CNOT6L: variants seen among roughly 807,000 people sequenced by gnomAD.
CNOT6L encodes CCR4-NOT transcription complex subunit 6 like.
CNOT6L carries 7 observed loss-of-function variants against 64.0 expected under a neutral mutation model. The observed-to-expected ratio is 0.11, with a 90% CI of 0.06 to 0.21. CNOT6L has a LOEUF of 0.21. Among genes scored for constraint, CNOT6L ranks in the 10% least tolerant of loss-of-function variants. The pLI is 1.00. For missense variants in CNOT6L, 245 were observed against 669.0 expected, an observed-to-expected ratio of 0.37 and a Z score of 6.99; for synonymous variants, 193 against 243.4, an observed-to-expected ratio of 0.79 and a Z score of 1.93.
chr4:77,748,054 A>G lies in CNOT6L; in HGVS notation c.559+262T>C, dbSNP rs79155157. ...CATTACTTAAATCTTAAATCACCCA[A>G]TACTCTCTATGAAGATGCTATTTGG... On this transcript the variant is annotated intron_variant, in intron 6 of 11. Transcript: ENST00000504123. 9.9e-5 allele frequency among the ~76,000 whole-genome samples: 15 copies of G among 152,268 alleles called. No homozygotes were observed. The East Asian group carries it at 2.5e-3, about 25-fold the overall frequency.
chr4:77,771,817 A>T (rs1727588830), intron 4 of CNOT6L, among the ~76,000 whole-genome samples: 1 of 152,254 alleles, frequency 6.6e-6, no homozygotes, highest in South Asian at 2.1e-4. Flanking sequence ...AAACTAAAAT[A>T]GTCTTTGAAG....
At chr4:77,809,619 T>C (rs1350620807) in intron 1 of CNOT6L, among the ~76,000 whole-genome samples, 3 of 152,130 alleles carry the variant, frequency 2.0e-5, no homozygotes, top group Non-Finnish European at 2.9e-5. Context: ...ATGATAAACA[T>C]TATGATCAGA....
At chr4:77,779,958 T>C (rs1285176424) in intron 1 of CNOT6L, among the ~76,000 whole-genome samples, 1 of 152,166 alleles carries the variant, frequency 6.6e-6, no homozygotes, top group African/African-American at 2.4e-5. Context: ...AGTGAGACCC[T>C]GTCTCAATCA....
chr4:77,743,142 CAACT>C (rs1441982933), intron 7 of CNOT6L, among the ~76,000 whole-genome samples: 1 of 152,090 alleles, frequency 6.6e-6, no homozygotes, highest in Admixed American at 6.6e-5. Context: ...AGTTTTAACA[CAACT>C]ATCTTATGAC....
At chr4:77,788,589 G>A (rs549284315) in intron 1 of CNOT6L, among the ~76,000 whole-genome samples, 1 of 152,164 alleles carries the variant, frequency 6.6e-6, no homozygotes, top group African/African-American at 2.4e-5. Context: ...TTAGCCGGAC[G>A]TGGTGGCATG....
Position 77,729,029 on chromosome 4 carries a change from G to A in CNOT6L, c.1077C>T (p.Ala359=), listed in dbSNP as rs1353613516. 2.5e-6 allele frequency: 4 copies of A among 1,613,480 alleles called. No homozygotes were observed. In the Admixed American group the frequency reaches 6.7e-5, roughly 27 times the overall value. Residue 359 remains alanine (A), a synonymous_variant, in exon 10 of 12, where the codon GCC becomes GCT. Coordinates refer to ENST00000504123, the MANE Select transcript of CNOT6L (RefSeq NM_144571.3). ...ADKQLLIVAN[A]HMHWDPEYSD... ...AATACTCTGGGTCCCAATGCATGTGGGCATTTGCCACTATAAGCAGCTGTT... is the reference window on the plus strand; with the variant it reads ...AATACTCTGGGTCCCAATGCATGTGAGCATTTGCCACTATAAGCAGCTGTT...
rs567800916 is a variant in CNOT6L at position 77,804,796 on chromosome 4, C to T, written c.5+14508G>A. Among the ~76,000 whole-genome samples the T allele has an allele frequency of 4.0e-5, 6 of 151,818 alleles. No homozygotes were observed. In the East Asian group the frequency reaches 1.2e-3, roughly 29 times the overall value. ...ACTTTCATCCTACAATTTTTTAAAGCATGAGGTGTATTTATTAATGAAAAA... is the reference window on the plus strand; with the variant it reads ...ACTTTCATCCTACAATTTTTTAAAGTATGAGGTGTATTTATTAATGAAAAA... On this transcript the variant is annotated intron_variant, in intron 1 of 11. Coordinates refer to ENST00000504123, the MANE Select transcript of CNOT6L (RefSeq NM_144571.3).
chr4:77,733,342 C>T (rs982370268), intron 8 of CNOT6L, among the ~76,000 whole-genome samples: 9 of 151,988 alleles, frequency 5.9e-5, no homozygotes, highest in Non-Finnish European at 1.0e-4. Flanking sequence ...TGGCCCTATA[C>T]TCAGAAAAAA....
chr4:77,779,034 G>A lies in CNOT6L; in HGVS notation c.6-2642C>T, dbSNP rs1342389099. 6.0e-4 allele frequency among the ~76,000 whole-genome samples: 71 copies of A among 118,714 alleles called. 1 individual carries two copies. Among genetic ancestry groups the A allele is most frequent in the African/African-American group, 1.6e-3 (51 of 32,030 alleles). 77.9% of individuals were successfully genotyped at this position (118,714 alleles called of 152,430 possible). The stretch of plus-strand genomic sequence containing the variant: ...TACACTCCAGCCTAGGTGACAGAGC[G>A]AGACTCTGTCTCAAAAAAAAAAAAA... On this transcript the variant is annotated intron_variant, in intron 1 of 11. Coordinates refer to ENST00000504123, the MANE Select transcript of CNOT6L (RefSeq NM_144571.3).
chr4:77,749,331 A>T (rs995052210), intron 5 of CNOT6L, among the ~76,000 whole-genome samples: 2 of 152,206 alleles, frequency 1.3e-5, no homozygotes, highest in African/African-American at 4.8e-5. Flanking sequence ...CAAATCATCC[A>T]GCTTGTTCAA....
At chr4:77,746,784 G>C (rs1160316006) in intron 6 of CNOT6L, among the ~76,000 whole-genome samples, 2 of 152,016 alleles carry the variant, frequency 1.3e-5, no homozygotes, top group African/African-American at 4.8e-5. Flanking sequence ...AATCTATCTA[G>C]CTTTAAGTTT....
rs1722174768 is a variant in CNOT6L at position 77,729,184 on chromosome 4, T to C, written c.1025-103A>G. 5 of 786,434 alleles carry C rather than the reference T, an allele frequency of 6.4e-6. No individual in the cohort carries two copies. The Admixed American group carries it at 7.3e-5, about 11-fold the overall frequency. The allele number at this position is 786,434 out of a possible 1,614,324, so 48.7% of individuals were successfully genotyped here. ...ATATGATCCACAGCTACTTCTTTAC[T>C]CTTTTCCATGAATTTATAACTTCCC... On this transcript the variant is annotated intron_variant, in intron 9 of 11. Coordinates refer to ENST00000504123, the MANE Select transcript of CNOT6L (RefSeq NM_144571.3).
intron 1 of CNOT6L, among the ~76,000 whole-genome samples, chr4:77,805,952 C>T (rs1413800162): frequency 3.3e-5 from 5 of 152,166 alleles, no homozygotes; most frequent in African/African-American, 1.2e-4. Flanking sequence ...ATTTAACCAA[C>T]ATAAAATACA....
intron 5 of CNOT6L, among the ~76,000 whole-genome samples, chr4:77,755,258 T>G (rs1474115795): frequency 5.3e-5 from 4 of 74,902 alleles, no homozygotes; most frequent in African/African-American, 2.1e-4. Context: ...TTTTTTTTTT[T>G]GAGACGGAGT....
intron 1 of CNOT6L, among the ~76,000 whole-genome samples, chr4:77,790,811 G>A (rs1730047477): frequency 7.0e-6 from 1 of 143,278 alleles, no homozygotes; most frequent in South Asian, 2.4e-4. Flanking sequence ...ACTGCGCCTG[G>A]CTGATTTTTT....
At chr4:77,797,123 A>AAAAC (rs1730950095) in intron 1 of CNOT6L, among the ~76,000 whole-genome samples, 2 of 150,938 alleles carry the variant, frequency 1.3e-5, no homozygotes, top group Admixed American at 6.6e-5. Context: ...AAAAAAAAAA[A>AAAAC]AAACTGCCAA....
intron 4 of CNOT6L, among the ~76,000 whole-genome samples, chr4:77,766,780 T>A (rs1726877185): frequency 6.7e-6 from 1 of 149,776 alleles, no homozygotes; most frequent in Admixed American, 6.6e-5. Context: ...AATAAAACAG[T>A]TGGCCAGGCA....
chr4:77,737,466 G>C (rs1723098969), intron 8 of CNOT6L, among the ~76,000 whole-genome samples: 1 of 122,110 alleles, frequency 8.2e-6, no homozygotes, highest in Non-Finnish European at 1.6e-5. Flanking sequence ...CTGTCACCCA[G>C]GCTGGAGTGC....
At chr4:77,756,615 G>A (rs1725602015) in intron 5 of CNOT6L, among the ~76,000 whole-genome samples, 1 of 152,178 alleles carries the variant, frequency 6.6e-6, no homozygotes, top group Admixed American at 6.5e-5. Flanking sequence ...TAAACTGTGA[G>A]TTAAAGTTCC....
Sources: allele counts gnomAD v4.1 joint callset (sites outside exome capture counted in the v4.1 genomes callset), GRCh38; gene constraint gnomAD v4.1.1; transcripts MANE v1.5; gene names NCBI Gene and HGNC (gene_info 2026-07-23, HGNC 2026-07-21).